Variants in ADAMTSL1 observed in about 807,000 individuals in gnomAD.
The protein encoded by ADAMTSL1 is ADAMTS-like protein 1.
A neutral mutation model predicts 201.8 loss-of-function variants in ADAMTSL1; 126 were observed. The observed-to-expected ratio is 0.62, with a 90% CI of 0.54 to 0.72. The LOEUF (loss-of-function observed/expected upper bound fraction) is 0.72, where lower values mean the gene tolerates loss of function less well. Ranked by LOEUF, ADAMTSL1 falls within the 30% of genes least tolerant of loss-of-function variation. ADAMTSL1 has a pLI of 0.00. For missense variants in ADAMTSL1, 2,679 were observed against 2,277.8 expected (o/e 1.18, Z -3.59); for synonymous variants, 1,121 against 903.4 (o/e 1.24, Z -4.32).
intron 2 of ADAMTSL1, among the ~76,000 whole-genome samples, chr9:18,427,837 C>A (rs1379376624): frequency 6.6e-6 from 1 of 152,206 alleles, no homozygotes; most frequent in Non-Finnish European, 1.5e-5. Flanking sequence ...TCAAAATGAA[C>A]GTAGAGATGA....
chr9:18,305,952 G>A (rs940667989), intron 2 of ADAMTSL1, among the ~76,000 whole-genome samples: 3 of 152,142 alleles, frequency 2.0e-5, no homozygotes, highest in Admixed American at 6.5e-5. Flanking sequence ...ACCTCATACA[G>A]GAGAGCTCCA....
chr9:18,470,099 G>T (rs971459814), upstream of ADAMTSL1, among the ~76,000 whole-genome samples: 1 of 152,144 alleles, frequency 6.6e-6, no homozygotes, highest in Non-Finnish European at 1.5e-5. Flanking sequence ...TGGTAGTCCT[G>T]GGGAAAGTCA....
intron 19 of ADAMTSL1, among the ~76,000 whole-genome samples, chr9:18,794,404 C>CA (rs758582204): frequency 0.44 from 41,208 of 93,694 alleles, 6,005 homozygotes; most frequent in East Asian, 0.6. Flanking sequence ...GACCCTGTCT[C>CA]AAAAAAAAAA....
intron 2 of ADAMTSL1, among the ~76,000 whole-genome samples, chr9:18,386,118 C>T (rs1464732067): frequency 1.3e-5 from 2 of 152,090 alleles, no homozygotes; most frequent in African/African-American, 2.4e-5. Context: ...TAACTCCCTC[C>T]CTCTTTGTTG....
intron 2 of ADAMTSL1, among the ~76,000 whole-genome samples, chr9:18,187,065 G>T (rs1350789973): frequency 1.3e-5 from 2 of 152,048 alleles, no homozygotes; most frequent in African/African-American, 4.8e-5. Context: ...TTGTTTCTGG[G>T]TCACCATGCT....
Position 18,891,747 on chromosome 9 carries a change from C to G in ADAMTSL1, c.4644-642C>G, listed in dbSNP as rs11790766. Among the ~76,000 whole-genome samples, 1,110 of 152,324 alleles carry G rather than the reference C, an allele frequency of 7.3e-3. 9 individuals are homozygous for G. Among genetic ancestry groups the G allele is most frequent in the Middle Eastern group, 0.02 (6 of 294 alleles). On this transcript the variant is annotated intron_variant, in intron 25 of 28. Transcript: ENST00000380548. ...TATACCGAGCACTACCAGACAAAAC[C>G]TTGACTTCAGTGAGGCCCAGATTAC...
chr9:18,504,913 G>A lies in ADAMTSL1; in HGVS notation c.148G>A (p.Gly50Arg), dbSNP rs542908248. Residue 50 changes from glycine (G) to arginine (R), a missense_variant, in exon 2 of 29, where the codon GGG becomes AGG. Physicochemically the swap from Gly to Arg is moderately radical, Grantham distance 125 (BLOSUM62 -2). Transcript: ENST00000380548. ...GPWSECSRTC[G>R]GGASYSLRRC... is the part of the protein sequence containing the mutation. ...ATGGAGTGAATGCTCACGCACCTGC[G>A]GGGGTGGGGCCTCCTACTCTCTGAG... 1.2e-6 allele frequency: 2 copies of A among 1,612,620 alleles called. No homozygotes were observed. Among genetic ancestry groups the A allele is most frequent in the African/African-American group, 1.3e-5 (1 of 74,940 alleles).
At chr9:18,370,954 T>C (rs1454806689) in intron 2 of ADAMTSL1, among the ~76,000 whole-genome samples, 1 of 152,174 alleles carries the variant, frequency 6.6e-6, no homozygotes, top group African/African-American at 2.4e-5. Context: ...TGCCTTTTGG[T>C]CTGATTGTTA....
At chr9:18,292,528 T>C (rs1266452550) in intron 2 of ADAMTSL1, among the ~76,000 whole-genome samples, 1 of 152,166 alleles carries the variant, frequency 6.6e-6, no homozygotes, top group East Asian at 1.9e-4. Flanking sequence ...GTCAGTGGAC[T>C]GGGAGAGACA....
intron 1 of ADAMTSL1, among the ~76,000 whole-genome samples, chr9:18,036,483 T>G (rs1821201317): frequency 2.0e-5 from 3 of 152,220 alleles, no homozygotes; most frequent in Admixed American, 6.5e-5. Context: ...ATATCACATC[T>G]TTATTTTTAG....
intron 1 of ADAMTSL1, among the ~76,000 whole-genome samples, chr9:18,009,298 GT>G (rs146623881): frequency 8.2e-4 from 125 of 151,904 alleles, no homozygotes; most frequent in African/African-American, 2.9e-3. Flanking sequence ...TTATCTAACT[GT>G]ACCCAAAAAG....
intron 1 of ADAMTSL1, among the ~76,000 whole-genome samples, chr9:18,503,523 C>T (rs1362005521): frequency 6.6e-6 from 1 of 151,240 alleles, no homozygotes; most frequent in Non-Finnish European, 1.5e-5. Flanking sequence ...TCAACTCTTT[C>T]ACTGCTCAAA....
intron 1 of ADAMTSL1, among the ~76,000 whole-genome samples, chr9:17,971,856 T>C (rs1046758681): frequency 6.6e-6 from 1 of 151,982 alleles, no homozygotes; most frequent in African/African-American, 2.4e-5. Flanking sequence ...AAGCATATCA[T>C]GTGCTTATTT....
intron 2 of ADAMTSL1, among the ~76,000 whole-genome samples, chr9:18,190,006 A>C (rs1414034932): frequency 6.6e-6 from 1 of 152,210 alleles, no homozygotes; most frequent in Non-Finnish European, 1.5e-5. Flanking sequence ...GTCATAATGA[A>C]TCTATCTAGA....
chr9:18,489,858 T>C (rs16936796), intron 1 of ADAMTSL1, among the ~76,000 whole-genome samples: 8,533 of 152,246 alleles, frequency 0.056, 631 homozygotes, highest in African/African-American at 0.17. Flanking sequence ...GAGGAAATGA[T>C]GGTAACCTGG....
At chr9:18,095,416 CTTTTTTTTTT>C (rs35164794) in intron 1 of ADAMTSL1, among the ~76,000 whole-genome samples, 1,522 of 100,132 alleles carry the variant, frequency 0.015, 34 homozygotes, top group African/African-American at 0.047. Flanking sequence ...TTCTTTCTTT[CTTTTTTTTTT>C]TTTTTTTTTT....
chr9:18,458,200 T>C (rs913704716), intron 2 of ADAMTSL1, among the ~76,000 whole-genome samples: 4 of 152,166 alleles, frequency 2.6e-5, no homozygotes, highest in Admixed American at 1.3e-4. Context: ...ACCAAGAGTT[T>C]TCAAACATTT....
chr9:18,043,031 A>G (rs971527628), intron 1 of ADAMTSL1, among the ~76,000 whole-genome samples: 7 of 152,196 alleles, frequency 4.6e-5, no homozygotes, highest in Non-Finnish European at 1.0e-4. Context: ...AAAGTAAGGA[A>G]AAGAAAGTCA....
chr9:18,309,543 T>C (rs774919159), intron 2 of ADAMTSL1, among the ~76,000 whole-genome samples: 1 of 151,914 alleles, frequency 6.6e-6, no homozygotes, highest in South Asian at 2.1e-4. Context: ...ACAGCAATAA[T>C]AGACAAACAG....
Sources: allele counts gnomAD v4.1 joint callset (sites outside exome capture counted in the v4.1 genomes callset), GRCh38; gene constraint gnomAD v4.1.1; transcripts MANE v1.5; gene names NCBI Gene and HGNC (gene_info 2026-07-23, HGNC 2026-07-21).